The following PRTFDC1 variants were observed in gnomAD, a reference collection of about 807,000 sequenced individuals.
PRTFDC1 encodes phosphoribosyl transferase domain containing 1, also known as phosphoribosyltransferase domain-containing protein 1.
In PRTFDC1, 38 loss-of-function variants were observed where a neutral mutation model predicts 34.6. The observed-to-expected ratio is 1.10, with a 90% CI of 0.85 to 1.44. The LOEUF is 1.44. Among genes scored for constraint, PRTFDC1 ranks in the 40% most tolerant of loss-of-function variants. The pLI is 0.00. For missense variants in PRTFDC1, 270 were observed against 283.0 expected, an observed-to-expected ratio of 0.95 and a Z score of 0.33; for synonymous variants, 93 against 98.1, an observed-to-expected ratio of 0.95 and a Z score of 0.31.
At chr10:24,855,450 T>C (rs552602137) in intron 6 of PRTFDC1, 86 bp from the exon 7 acceptor site, 30 of 1,510,740 alleles carry the variant, frequency 2.0e-5, no homozygotes, top group Non-Finnish European at 2.7e-5. Context: ...AAAGATGTAC[T>C]TGAAATACAT....
At chr10:24,946,883 C>T (rs1292846492) in intron 1 of PRTFDC1, among the ~76,000 whole-genome samples, 1 of 152,198 alleles carries the variant, frequency 6.6e-6, no homozygotes, top group Non-Finnish European at 1.5e-5. Context: ...TGCCTGTAAT[C>T]CCAACACTTT....
chr10:24,867,870 C>A (rs1208071750), intron 4 of PRTFDC1: 1 of 146,682 alleles, frequency 6.8e-6, no homozygotes, highest in East Asian at 2.0e-4. Context: ...GTGGCATGAT[C>A]TTGGCTCACT....
chr10:24,910,076 G>T lies in PRTFDC1; in HGVS notation c.339+27108C>A, dbSNP rs113707130. Among the ~76,000 whole-genome samples, 1,250 of 152,016 alleles carry T rather than the reference G, an allele frequency of 8.2e-3. 25 individuals are homozygous for T. The highest frequency in any genetic ancestry group is 0.029 in the African/African-American group (1,200 of 41,458). On this transcript the variant is annotated intron_variant, in intron 3 of 8. Transcript: ENST00000320152. The stretch of plus-strand genomic sequence containing the variant: ...CTCGGGAGGCTGAGGCAGGAGAATC[G>T]CTTGAACCCAGGAGGCAGAGGTTGC...
At chr10:24,921,616 T>C (rs1385050181) in intron 3 of PRTFDC1, among the ~76,000 whole-genome samples, 2 of 151,864 alleles carry the variant, frequency 1.3e-5, no homozygotes, top group Non-Finnish European at 2.9e-5. Context: ...GCCCTTGACG[T>C]ACTGTTGTGC....
chr10:24,945,364 C>T (rs916784414), intron 1 of PRTFDC1, among the ~76,000 whole-genome samples: 1 of 152,224 alleles, frequency 6.6e-6, no homozygotes, highest in Non-Finnish European at 1.5e-5. Context: ...CTCAGTTTGT[C>T]TCCTTGTGAT....
chr10:24,902,352 T>G (rs1167644369), intron 3 of PRTFDC1, among the ~76,000 whole-genome samples: 10 of 152,168 alleles, frequency 6.6e-5, no homozygotes, highest in Non-Finnish European at 1.5e-4. Context: ...CACTTTATTT[T>G]TATCTGCTCC....
intron 3 of PRTFDC1, among the ~76,000 whole-genome samples, chr10:24,928,900 C>A (rs1478818726): frequency 6.6e-6 from 1 of 151,380 alleles, no homozygotes; most frequent in African/African-American, 2.4e-5. Flanking sequence ...ATTAGCCGGG[C>A]GTGGTGGCGG....
rs112511699 is a variant in PRTFDC1 at position 24,871,978 on chromosome 10, G to T, written c.405+20C>A. On this transcript the variant is annotated intron_variant, in intron 4 of 8. Transcript: ENST00000320152. ...GCCCCCAGACCTCAATGCGGTCTGA[G>T]CACAGTTACATGAACAAACCTTTCC... 1,822 of 1,593,382 alleles carry T rather than the reference G, an allele frequency of 1.1e-3. 17 individuals carry two copies. The African/African-American group carries it at 0.021, about 18-fold the overall frequency.
chr10:24,868,383 G>C (rs1712859351), intron 4 of PRTFDC1, among the ~76,000 whole-genome samples: 1 of 152,156 alleles, frequency 6.6e-6, no homozygotes, highest in Non-Finnish European at 1.5e-5. Flanking sequence ...AGAGTGCCAA[G>C]CATGAAATAA....
At chr10:24,859,717 G>A (rs967766321) in intron 4 of PRTFDC1, among the ~76,000 whole-genome samples, 1 of 152,084 alleles carries the variant, frequency 6.6e-6, no homozygotes, top group Non-Finnish European at 1.5e-5. Context: ...ACTAATACAC[G>A]ATGATTGTAC....
At chr10:24,936,970 A>C (rs72780362) in intron 3 of PRTFDC1, among the ~76,000 whole-genome samples, 2,313 of 152,300 alleles carry the variant, frequency 0.015, 32 homozygotes, top group Non-Finnish European at 0.026. Context: ...CTTCCCATAT[A>C]TGTGAAAATA....
At chr10:24,883,557 A>C (rs1373193524) in intron 3 of PRTFDC1, among the ~76,000 whole-genome samples, 1 of 152,224 alleles carries the variant, frequency 6.6e-6, no homozygotes, top group Non-Finnish European at 1.5e-5. Context: ...GAGGAAACTC[A>C]GTTTAAAAAC....
chr10:24,874,743 T>C (rs1847933365), intron 3 of PRTFDC1, among the ~76,000 whole-genome samples: 1 of 152,244 alleles, frequency 6.6e-6, no homozygotes, highest in South Asian at 2.1e-4. Context: ...TTTAAAATTT[T>C]TAATTGACCA....
intron 1 of PRTFDC1, among the ~76,000 whole-genome samples, chr10:24,945,023 GCCT>G (rs1203608139): frequency 6.6e-6 from 1 of 151,972 alleles, no homozygotes; most frequent in Middle Eastern, 3.4e-3. Flanking sequence ...TTGCACTGGC[GCCT>G]CCTCTTGCCT....
At chr10:24,852,867 C>T (rs1480052786) in intron 7 of PRTFDC1, among the ~76,000 whole-genome samples, 3 of 152,008 alleles carry the variant, frequency 2.0e-5, no homozygotes, top group Admixed American at 1.3e-4. Context: ...AAGAAGAAAA[C>T]GACTGGTTCA....
At chr10:24,869,871 C>G (rs1037651883) in intron 4 of PRTFDC1, among the ~76,000 whole-genome samples, 35 of 152,196 alleles carry the variant, frequency 2.3e-4, no homozygotes, top group African/African-American at 7.7e-4. Context: ...TCCCTCTGCC[C>G]TGTCCTCTCT....
intron 3 of PRTFDC1, 84 bp downstream of exon 3, chr10:24,937,099 TC>T: frequency 7.8e-7 from 1 of 1,277,770 alleles, no homozygotes; most frequent in East Asian, 2.4e-5. Context: ...AAAATTGCAC[TC>T]TTCATTTTCA....
chr10:24,913,141 G>A (rs1848650818), intron 3 of PRTFDC1, among the ~76,000 whole-genome samples: 1 of 152,176 alleles, frequency 6.6e-6, no homozygotes, highest in Non-Finnish European at 1.5e-5. Flanking sequence ...GCCACTTTAT[G>A]GAGAAAACAC....
At chr10:24,871,627 C>A in intron 4 of PRTFDC1, among the ~76,000 whole-genome samples, 1 of 149,560 alleles carries the variant, frequency 6.7e-6, no homozygotes, top group Non-Finnish European at 1.5e-5. Flanking sequence ...ACTGACGTGC[C>A]TGGGTGCAGA....
Sources: gnomAD v4.1 joint callset for allele counts (sites outside exome capture counted in the v4.1 genomes callset) on GRCh38, gnomAD v4.1.1 for gene constraint, MANE v1.5 for transcripts, NCBI Gene and HGNC (gene_info 2026-07-23, HGNC 2026-07-21) for gene names.